The following CSMD1 variants were observed in gnomAD, a reference collection of about 807,000 sequenced individuals.
The protein encoded by CSMD1 is CUB and Sushi multiple domains 1.
CSMD1 carries 213 observed loss-of-function variants against 417.5 expected under a neutral mutation model. The observed-to-expected ratio is 0.51, with a 90% confidence interval of 0.46 to 0.57. CSMD1 has a LOEUF of 0.57. Ranked by LOEUF, CSMD1 falls within the 20% of genes least tolerant of loss-of-function variation. CSMD1 has a pLI of 0.00. For missense variants in CSMD1, 6,923 were observed against 4,529.7 expected (o/e 1.53, Z -15.17); for synonymous variants, 2,862 against 1,736.8 (o/e 1.65, Z -16.11).
At chr8:3,926,116 C>CACAA (rs1563218447) in intron 5 of CSMD1, among the ~76,000 whole-genome samples, 4 of 106,910 alleles carry the variant, frequency 3.7e-5, no homozygotes, top group African/African-American at 8.7e-5. Flanking sequence ...CACACACACA[C>CACAA]ACACACACAC....
chr8:3,093,512 C>CA (rs1206838932), intron 47 of CSMD1, among the ~76,000 whole-genome samples: 4 of 151,910 alleles, frequency 2.6e-5, no homozygotes, highest in Non-Finnish European at 4.4e-5. Flanking sequence ...ACTAAAAATA[C>CA]AAAAAATTAG....
chr8:4,177,678 G>T (rs527736198), intron 3 of CSMD1, among the ~76,000 whole-genome samples: 3 of 141,228 alleles, frequency 2.1e-5, no homozygotes, highest in Non-Finnish European at 3.1e-5. Flanking sequence ...TTGATAGACC[G>T]CTAGCAAGAC....
chr8:3,818,349 A>G (rs1030749029), intron 5 of CSMD1, among the ~76,000 whole-genome samples: 1 of 152,188 alleles, frequency 6.6e-6, no homozygotes, highest in Non-Finnish European at 1.5e-5. Flanking sequence ...TGAGAGAGCT[A>G]AACCCCTTCC....
At chr8:4,974,369 G>A (rs568338767) in intron 1 of CSMD1, among the ~76,000 whole-genome samples, 2 of 152,128 alleles carry the variant, frequency 1.3e-5, no homozygotes, top group South Asian at 4.2e-4. Flanking sequence ...GCACTTAGCT[G>A]CAATATTAAA....
chr8:3,974,905 C>G, intron 5 of CSMD1, among the ~76,000 whole-genome samples: 1 of 152,012 alleles, frequency 6.6e-6, no homozygotes, highest in East Asian at 1.9e-4. Context: ...ATATTTTTAT[C>G]TACTACAATA....
chr8:4,549,507 A>C (rs190594265), intron 2 of CSMD1, among the ~76,000 whole-genome samples: 1 of 152,268 alleles, frequency 6.6e-6, no homozygotes, highest in Non-Finnish European at 1.5e-5. Context: ...TTTAACCTAC[A>C]GATAATTTTG....
At chr8:3,630,663 T>C (rs1031798892) in intron 7 of CSMD1, among the ~76,000 whole-genome samples, 5 of 152,100 alleles carry the variant, frequency 3.3e-5, no homozygotes, top group African/African-American at 1.2e-4. Flanking sequence ...TTCATTGCGT[T>C]CGAGAAAAAA....
At chr8:2,968,736 T>G (rs1804190326) in intron 57 of CSMD1, among the ~76,000 whole-genome samples, 1 of 151,714 alleles carries the variant, frequency 6.6e-6, no homozygotes, top group Non-Finnish European at 1.5e-5. Flanking sequence ...TAGATTAAAT[T>G]TAGAGGAGAA....
intron 26 of CSMD1, among the ~76,000 whole-genome samples, chr8:3,241,787 A>G (rs1480105783): frequency 6.6e-6 from 1 of 152,056 alleles, no homozygotes; most frequent in African/African-American, 2.4e-5. Flanking sequence ...CTCACAGTGG[A>G]GGCAAGGAAC....
At chr8:3,482,741 C>G (rs28827864) in intron 11 of CSMD1, among the ~76,000 whole-genome samples, 2 of 151,874 alleles carry the variant, frequency 1.3e-5, no homozygotes, top group African/African-American at 4.8e-5. Context: ...GATAATAGAT[C>G]TTGACATATT....
rs1798116591 is a variant in CSMD1 at position 4,177,433 on chromosome 8, G to C, written c.416-145334C>G. 2.6e-5 allele frequency among the ~76,000 whole-genome samples: 4 copies of C among 152,072 alleles called. No homozygotes were observed. In the South Asian group the frequency reaches 8.3e-4, roughly 32 times the overall value. ...ATCTCTGGGGCACATTCAAAGCAGT[G>C]TGTAGAGGGAAACTTATAGCACTAA... is the stretch of plus-strand genomic sequence containing the variant. On this transcript the variant is annotated intron_variant, in intron 3 of 69. Coordinates refer to ENST00000635120, the MANE Select transcript of CSMD1 (RefSeq NM_033225.6).
intron 1 of CSMD1, among the ~76,000 whole-genome samples, chr8:4,665,698 A>G (rs182065434): frequency 3.9e-5 from 6 of 152,332 alleles, no homozygotes; most frequent in African/African-American, 1.2e-4. Context: ...TCCATAATCT[A>G]TTCCTCTTTG....
chr8:4,751,116 G>A (rs1262671422), intron 1 of CSMD1, among the ~76,000 whole-genome samples: 1 of 152,204 alleles, frequency 6.6e-6, no homozygotes, highest in African/African-American at 2.4e-5. Context: ...TGGGAGCAGT[G>A]GCTCAGGCCT....
chr8:2,946,342 T>G (rs953870329), intron 68 of CSMD1, among the ~76,000 whole-genome samples: 5 of 152,304 alleles, frequency 3.3e-5, no homozygotes, highest in African/African-American at 7.2e-5. Flanking sequence ...CTTAGAAGAT[T>G]GGTGTCCCTC....
At chr8:4,169,361 C>T (rs936214827) in intron 3 of CSMD1, among the ~76,000 whole-genome samples, 46 of 152,130 alleles carry the variant, frequency 3.0e-4, no homozygotes, top group African/African-American at 8.7e-4. Flanking sequence ...ATGGCGACTG[C>T]GTTTTCCACT....
chr8:4,380,357 T>C (rs994879015), intron 3 of CSMD1, among the ~76,000 whole-genome samples: 6 of 152,202 alleles, frequency 3.9e-5, no homozygotes, highest in African/African-American at 1.4e-4. Flanking sequence ...ACTTCACCTC[T>C]AGTTTTCCTC....
Position 3,855,441 on chromosome 8 carries a change from T to C in CSMD1, c.819-101399A>G, listed in dbSNP as rs189587066. ...TCTATAAAAAACAAAAAAGTTTAAA[T>C]ATCAGAAATTCTATTTTCATGGTGA... On this transcript the variant is annotated intron_variant, in intron 5 of 69. Transcript: ENST00000635120. Among the ~76,000 whole-genome samples, 38 of 152,326 alleles carry C rather than the reference T, an allele frequency of 2.5e-4. No homozygotes were observed. In the East Asian group the frequency reaches 6.7e-3, roughly 27 times the overall value.
At chr8:3,802,205 C>T (rs571365780) in intron 5 of CSMD1, among the ~76,000 whole-genome samples, 2 of 152,228 alleles carry the variant, frequency 1.3e-5, no homozygotes, top group Admixed American at 6.5e-5. Flanking sequence ...GGGCTTATCA[C>T]ACCTTGTAAA....
chr8:4,411,900 G>A (rs1424626949), intron 3 of CSMD1, among the ~76,000 whole-genome samples: 1 of 151,798 alleles, frequency 6.6e-6, no homozygotes, highest in African/African-American at 2.4e-5. Context: ...CATCTTCTGA[G>A]GTCAATACAC....
Sources: allele counts gnomAD v4.1 joint callset (sites outside exome capture counted in the v4.1 genomes callset), GRCh38; gene constraint gnomAD v4.1.1; transcripts MANE v1.5; gene names NCBI Gene and HGNC (gene_info 2026-07-23, HGNC 2026-07-21).